Variants in XXYLT1 observed in about 807,000 individuals in gnomAD.
XXYLT1 encodes the protein xyloside xylosyltransferase 1, also known as UDP-xylose:alpha-xyloside alpha-1,3-xylosyltransferase.
A neutral mutation model predicts 28.9 loss-of-function variants in XXYLT1; 20 were observed. That is an observed-to-expected ratio of 0.69 (90% CI 0.49 to 1.00). The LOEUF is 1.00. Among genes scored for constraint, XXYLT1 ranks in the 50% least tolerant of loss-of-function variants. The probability of loss-of-function intolerance (pLI) is 0.00; values close to 1 mark genes in which losing one functional copy is unlikely to be tolerated. For missense variants in XXYLT1, 542 were observed against 560.1 expected (o/e 0.97, Z 0.33); for synonymous variants, 257 against 253.8 (o/e 1.01, Z -0.12).
intron 2 of XXYLT1, among the ~76,000 whole-genome samples, chr3:195,191,885 A>T (rs1463132959): frequency 6.6e-6 from 1 of 152,272 alleles, no homozygotes; most frequent in Non-Finnish European, 1.5e-5. Flanking sequence ...AATTGAAAAG[A>T]GAAATAGAGA....
At chr3:195,080,353 G>A (rs1301320494) in intron 3 of XXYLT1, among the ~76,000 whole-genome samples, 2 of 152,182 alleles carry the variant, frequency 1.3e-5, no homozygotes, top group African/African-American at 2.4e-5. Context: ...CTTGTAGAGG[G>A]AGCAGCTGTT....
chr3:195,204,940 C>T (rs1279098501), intron 2 of XXYLT1, among the ~76,000 whole-genome samples: 2 of 152,200 alleles, frequency 1.3e-5, no homozygotes, highest in African/African-American at 4.8e-5. Context: ...ATCCCAATCA[C>T]GCAAGATCAT....
chr3:195,209,922 G>C lies in XXYLT1; in HGVS notation c.652+16787C>G, dbSNP rs1304381732. On this transcript the variant is annotated intron_variant, in intron 2 of 3. Transcript: ENST00000310380. The surrounding 1 kb of genome is among the most constrained non-coding windows in gnomAD (Gnocchi z 5.0). ...ACACACAGGACTTGAGTACAGAAAT[G>C]AGTCTTCTCCAGCCAGGGACAGTGC... 6.7e-6 allele frequency: 1 copy of C among 148,194 alleles called. No homozygotes were observed. Among genetic ancestry groups the C allele is most frequent in the African/African-American group, 2.7e-5 (1 of 37,620 alleles). 9.2% of individuals were successfully genotyped at this position (148,194 alleles called of 1,614,324 possible). A position where few individuals can be genotyped will look rare whatever the true frequency, so the allele number is the denominator to read the frequency against.
chr3:195,224,726 C>G (rs777286031), intron 2 of XXYLT1, among the ~76,000 whole-genome samples: 11 of 152,314 alleles, frequency 7.2e-5, no homozygotes, highest in Admixed American at 1.3e-4. Flanking sequence ...CTCCCCCTGG[C>G]TCCCTAGAAC....
intron 2 of XXYLT1, among the ~76,000 whole-genome samples, chr3:195,159,653 T>C (rs62285225): frequency 0.14 from 21,633 of 152,140 alleles, 1,912 homozygotes; most frequent in East Asian, 0.41. Flanking sequence ...ATCATTGCCG[T>C]CACGGCCCTG....
intron 3 of XXYLT1, among the ~76,000 whole-genome samples, chr3:195,084,027 C>CAA (rs879868701): frequency 7.1e-6 from 1 of 140,654 alleles, no homozygotes; most frequent in African/African-American, 2.6e-5. Flanking sequence ...AAATCGGTCT[C>CAA]AAAAAAAAAA....
intron 2 of XXYLT1, among the ~76,000 whole-genome samples, chr3:195,158,385 C>CA (rs1720711767): frequency 6.6e-6 from 1 of 152,212 alleles, no homozygotes; most frequent in African/African-American, 2.4e-5. Context: ...TCAGGACCAT[C>CA]AGACGCTTCT....
At position 195,156,480 on chromosome 3, in the gene XXYLT1, C is replaced by T. The variant is rs1048507474; in HGVS notation, c.754G>A (p.Gly252Ser). Residue 252 changes from glycine to serine, a missense_variant, in exon 3 of 4, where the codon GGC (glycine) becomes AGC (serine). Physicochemically the swap from Gly to Ser is moderately conservative, Grantham distance 56. Coordinates refer to ENST00000310380, the MANE Select transcript of XXYLT1 (RefSeq NM_152531.5). ...FDSFLPGAII[G>S]IAREMQPVYR... ...ACTGGCTGCATCTCCCGGGCTATGC[C>T]GATGATGGCGCCTGGCAGGAAACTG... 7 of 1,614,022 alleles carry T rather than the reference C, an allele frequency of 4.3e-6. No individual in the cohort carries two copies. The highest frequency in any genetic ancestry group is 1.3e-5 in the African/African-American group (1 of 74,928).
At chr3:195,071,297 G>A (rs1186381232) in intron 3 of XXYLT1, among the ~76,000 whole-genome samples, 2 of 152,212 alleles carry the variant, frequency 1.3e-5, no homozygotes, top group Admixed American at 1.3e-4. Flanking sequence ...CCCCCGCAGA[G>A]AGACTTCCCC....
In XXYLT1 at chr3:195,168,912, C is replaced by T. The variant is rs547700602; in HGVS notation, c.653-12331G>A. Among the ~76,000 whole-genome samples, 116 of 152,324 alleles carry T rather than the reference C, an allele frequency of 7.6e-4. No individual in the cohort carries two copies. Among genetic ancestry groups the T allele is most frequent in the African/African-American group, 2.6e-3 (110 of 41,582 alleles). Reference sequence around the variant, plus strand: ...CTGAGCTCTTTTGCCTCAATGTGGTCCCTTTAAACAGGGCTTACCTCTGAT... The same window carrying T: ...CTGAGCTCTTTTGCCTCAATGTGGTTCCTTTAAACAGGGCTTACCTCTGAT... On this transcript the variant is annotated intron_variant, in intron 2 of 3. Transcript: ENST00000310380. This position sits in a 1 kb window ranked among gnomAD's most constrained non-coding sequence, Gnocchi z 4.3.
intron 2 of XXYLT1, among the ~76,000 whole-genome samples, chr3:195,203,406 C>T (rs1040006764): frequency 6.6e-6 from 1 of 151,992 alleles, no homozygotes; most frequent in African/African-American, 2.4e-5. Context: ...TTGGCCTGTA[C>T]CCACCCCTTC....
chr3:195,230,470 C>T (rs1391324066), intron 1 of XXYLT1, among the ~76,000 whole-genome samples: 1 of 152,176 alleles, frequency 6.6e-6, no homozygotes, highest in Non-Finnish European at 1.5e-5. Context: ...AGTCCAATGT[C>T]CTGGAGAGTT....
At chr3:195,155,285 T>C (rs1720504463) in intron 3 of XXYLT1, among the ~76,000 whole-genome samples, 1 of 152,176 alleles carries the variant, frequency 6.6e-6, no homozygotes, top group South Asian at 2.1e-4. Flanking sequence ...TCTGCAGCTC[T>C]CCAACGACTG....
intron 3 of XXYLT1, among the ~76,000 whole-genome samples, chr3:195,155,976 C>A (rs1168482710): frequency 3.3e-5 from 5 of 152,180 alleles, no homozygotes; most frequent in Admixed American, 2.0e-4. Context: ...CAGCATCATG[C>A]GGAATGCGCT....
intron 1 of XXYLT1, among the ~76,000 whole-genome samples, chr3:195,229,756 T>C (rs1363951225): frequency 1.3e-5 from 2 of 152,256 alleles, no homozygotes; most frequent in East Asian, 3.8e-4. Context: ...CTCCATTTTG[T>C]ATATGTACTG....
At chr3:195,151,511 CAG>C (rs895115824) in intron 3 of XXYLT1, among the ~76,000 whole-genome samples, 1 of 151,578 alleles carries the variant, frequency 6.6e-6, no homozygotes, top group African/African-American at 2.4e-5. Context: ...GCCTGGGCAA[CAG>C]AGAGAGACTC....
At chr3:195,164,996 T>C (rs1721046386) in intron 2 of XXYLT1, among the ~76,000 whole-genome samples, 1 of 152,052 alleles carries the variant, frequency 6.6e-6, no homozygotes, top group African/African-American at 2.4e-5. Context: ...CAGTGAAAAT[T>C]GGAGCCTGGA....
chr3:195,082,874 A>C (rs1459933998), intron 3 of XXYLT1, among the ~76,000 whole-genome samples: 1 of 151,986 alleles, frequency 6.6e-6, no homozygotes, highest in Admixed American at 6.5e-5. Context: ...GCCCTCAGCC[A>C]TAAGGCACCC....
intron 1 of XXYLT1, among the ~76,000 whole-genome samples, chr3:195,254,035 G>T (rs948580118): frequency 3.3e-5 from 5 of 152,180 alleles, no homozygotes; most frequent in African/African-American, 1.2e-4. Flanking sequence ...TGCACCAGGG[G>T]GCACCCCCAC....
Sources: allele counts gnomAD v4.1 joint callset (sites outside exome capture counted in the v4.1 genomes callset), GRCh38; gene constraint gnomAD v4.1.1; non-coding constraint Gnocchi (gnomAD v3.1); transcripts MANE v1.5; gene names NCBI Gene and HGNC (gene_info 2026-07-23, HGNC 2026-07-21).